The following MBOAT7 variants were observed in gnomAD, a reference collection of about 807,000 sequenced individuals.
MBOAT7 encodes the protein membrane-bound acylglycerophosphatidylinositol O-acyltransferase MBOAT7.
In MBOAT7, 40 loss-of-function variants were observed where a neutral mutation model predicts 47.4. The observed-to-expected ratio is 0.84, with a 90% CI of 0.66 to 1.10. The LOEUF (loss-of-function observed/expected upper bound fraction) is 1.10. MBOAT7 is among the 50% of genes least tolerant of loss of function. The probability of loss-of-function intolerance (pLI) is 0.00; values close to 1 mark genes in which losing one functional copy is unlikely to be tolerated. For missense variants in MBOAT7, 680 were observed against 655.6 expected (o/e 1.04, Z -0.41); for synonymous variants, 361 against 292.0 (o/e 1.24, Z -2.41).
chr19:54,179,355 G>A, intron 6 of MBOAT7: 1 of 205,770 alleles, frequency 4.9e-6, no homozygotes, highest in East Asian at 1.1e-4. Flanking sequence ...CTAATAACAA[G>A]GTGCTTCACG....
chr19:54,187,669 G>A (rs1035450165), intron 3 of MBOAT7, among the ~76,000 whole-genome samples: 2 of 152,218 alleles, frequency 1.3e-5, no homozygotes, highest in African/African-American at 4.8e-5. Context: ...TGACATGGAT[G>A]TAGCGGACTG....
intron 4 of MBOAT7, among the ~76,000 whole-genome samples, chr19:54,185,486 C>T (rs1281875625): frequency 6.6e-6 from 1 of 152,092 alleles, no homozygotes; most frequent in Non-Finnish European, 1.5e-5. Context: ...TACATCCTGC[C>T]CAATTGGTGG....
At chr19:54,181,312 C>T (rs1054293282) in intron 5 of MBOAT7, among the ~76,000 whole-genome samples, 179 bp from the exon 6 acceptor site, 5 of 151,832 alleles carry the variant, frequency 3.3e-5, no homozygotes, top group East Asian at 1.9e-4. Context: ...GGATAAGGAA[C>T]GAGAGACAGG....
rs953452259 is a variant in MBOAT7 at position 54,180,530 on chromosome 19, AGG to A, written c.854+241_854+242del. 6.3e-6 allele frequency: 3 copies of A among 475,500 alleles called. No individual in the cohort carries two copies. The highest frequency in any genetic ancestry group is 6.2e-5 in the African/African-American group (3 of 48,062). 29.5% of individuals were successfully genotyped at this position (475,500 alleles called of 1,614,324 possible). A position where few individuals can be genotyped will look rare whatever the true frequency, so the allele number is the denominator to read the frequency against. On this transcript the variant is annotated intron_variant, in intron 6 of 7. Coordinates refer to ENST00000245615, the MANE Select transcript of MBOAT7 (RefSeq NM_024298.5). The surrounding 1 kb of genome is among the most constrained non-coding windows in gnomAD (Gnocchi z 5.2). ...TAAGTTACCACCTTTTCCTAGCGAC[AGG>A]GGGCAGTTCACCACACTGCGGGGTG...
chr19:54,182,255 CAAATT>C (rs2076308138), intron 5 of MBOAT7, among the ~76,000 whole-genome samples: 1 of 151,138 alleles, frequency 6.6e-6, no homozygotes, highest in Admixed American at 6.6e-5. Context: ...AAAAAAAAAA[CAAATT>C]AAAATAAATA....
Position 54,179,100 on chromosome 19 carries a change from C to T in MBOAT7, c.855-159G>A, listed in dbSNP as rs2076197985. Reference sequence around the variant, plus strand: ...TTGCTAGGGCAGCAAGGGAGGGTGGCCCAGAGGGTGCCTGTAGGGTAGGAA... The same window carrying T: ...TTGCTAGGGCAGCAAGGGAGGGTGGTCCAGAGGGTGCCTGTAGGGTAGGAA... On this transcript the variant is annotated intron_variant, in intron 6 of 7. Coordinates refer to ENST00000245615, the MANE Select transcript of MBOAT7 (RefSeq NM_024298.5). The T allele has an allele frequency of 7.0e-6, 7 of 995,570 alleles. No homozygotes were observed. In the Admixed American group the frequency reaches 1.5e-4, roughly 22 times the overall value. The allele number at this position is 995,570 out of a possible 1,614,324, so 61.7% of individuals were successfully genotyped here. A position where few individuals can be genotyped will look rare whatever the true frequency, so the allele number is the denominator to read the frequency against.
At chr19:54,177,563 G>C (rs1328873575) in intron 7 of MBOAT7, among the ~76,000 whole-genome samples, 2 of 151,706 alleles carry the variant, frequency 1.3e-5, no homozygotes, top group Non-Finnish European at 2.9e-5. Flanking sequence ...CCAAATTGCT[G>C]GGATTATAGG....
intron 7 of MBOAT7, among the ~76,000 whole-genome samples, chr19:54,175,804 A>C (rs1465548116): frequency 2.6e-5 from 4 of 152,146 alleles, no homozygotes; most frequent in African/African-American, 9.7e-5. Flanking sequence ...GGCTCACTGC[A>C]ACCTCTGCCT....
chr19:54,188,140 G>A, intron 3 of MBOAT7, 77 bp downstream of exon 3: 1 of 1,457,314 alleles, frequency 6.9e-7, no homozygotes, highest in East Asian at 2.4e-5. Context: ...GGCAGAAGCT[G>A]AAAAAGACTC....
intron 5 of MBOAT7, among the ~76,000 whole-genome samples, chr19:54,181,431 G>A (rs977091537): frequency 4.6e-5 from 7 of 151,884 alleles, no homozygotes; most frequent in Admixed American, 2.6e-4. Flanking sequence ...CTAGCTGGGA[G>A]GACTGCTTGA....
At chr19:54,176,988 G>A (rs532325675) in intron 7 of MBOAT7, among the ~76,000 whole-genome samples, 30 of 152,124 alleles carry the variant, frequency 2.0e-4, no homozygotes, top group Middle Eastern at 6.8e-3. Flanking sequence ...TTGGGAGGCC[G>A]AGGCACGCGG....
chr19:54,178,206 G>A (rs975463371), intron 7 of MBOAT7: 11 of 986,348 alleles, frequency 1.1e-5, no homozygotes, highest in Middle Eastern at 5.2e-4. Context: ...TGCCGCACCC[G>A]GCTGAGTTTC....
chr19:54,176,057 A>G lies in MBOAT7; in HGVS notation c.1032-1626T>C, dbSNP rs536202351. Among the ~76,000 whole-genome samples, 682 of 152,194 alleles carry G rather than the reference A, an allele frequency of 4.5e-3. 3 individuals carry two copies. Among genetic ancestry groups the G allele is most frequent in the African/African-American group, 0.016 (647 of 41,530 alleles). Reference sequence around the variant, plus strand: ...TTTTTAGTAGAGATGGGGTTTCACCACGTTGGCCAGGATGGTCTCGATCTC... The same window carrying G: ...TTTTTAGTAGAGATGGGGTTTCACCGCGTTGGCCAGGATGGTCTCGATCTC... On this transcript the variant is annotated intron_variant, in intron 7 of 7. Transcript: ENST00000245615.
chr19:54,179,163 G>A, intron 6 of MBOAT7: 2 of 595,788 alleles, frequency 3.4e-6, no homozygotes, highest in South Asian at 4.2e-5. Context: ...CTGACAATGG[G>A]GTTCTTCTTC....
chr19:54,179,060 C>T, intron 6 of MBOAT7, 119 bp from the exon 7 acceptor site: 1 of 1,376,478 alleles, frequency 7.3e-7, no homozygotes, highest in Non-Finnish European at 9.8e-7. Flanking sequence ...GGCAATGGCC[C>T]TCTGGCTGTC....
chr19:54,187,938 C>A (rs1256617266), intron 3 of MBOAT7, among the ~76,000 whole-genome samples: 1 of 151,690 alleles, frequency 6.6e-6, no homozygotes, highest in Non-Finnish European at 1.5e-5. Flanking sequence ...TCGCTTGAAC[C>A]CGGGAGGTGG....
chr19:54,175,599 GCT>G (rs2076084509), intron 7 of MBOAT7, among the ~76,000 whole-genome samples: 1 of 152,054 alleles, frequency 6.6e-6, no homozygotes, highest in Non-Finnish European at 1.5e-5. Flanking sequence ...ACAGAGTCTC[GCT>G]CTGTTGCCAC....
At chr19:54,181,220 A>G in intron 5 of MBOAT7, 87 bp from the exon 6 acceptor site, 2 of 1,413,734 alleles carry the variant, frequency 1.4e-6, no homozygotes, top group East Asian at 2.6e-5. Flanking sequence ...GCTTGGAAGG[A>G]AGGTGGGAAG....
chr19:54,179,876 C>T (rs1252047213), intron 6 of MBOAT7: 1 of 152,214 alleles, frequency 6.6e-6, no homozygotes, highest in Non-Finnish European at 1.5e-5. Context: ...GCAGTCCAAG[C>T]CCCTGGGGGA....
Sources: gnomAD v4.1 joint callset for allele counts (sites outside exome capture counted in the v4.1 genomes callset) on GRCh38, gnomAD v4.1.1 for gene constraint, Gnocchi (gnomAD v3.1) non-coding constraint, MANE v1.5 for transcripts, NCBI Gene and HGNC (gene_info 2026-07-23, HGNC 2026-07-21) for gene names.